TUBGCP5: variants seen among roughly 807,000 people sequenced by gnomAD.
TUBGCP5 encodes the protein tubulin gamma complex component 5.
Under a neutral mutation model 134.7 loss-of-function variants are expected in TUBGCP5, and 98 were observed. The observed-to-expected ratio is 0.73, with a 90% confidence interval of 0.62 to 0.86. The LOEUF is 0.86. TUBGCP5 is among the 40% of genes least tolerant of loss of function. TUBGCP5 has a pLI of 0.00. For missense variants in TUBGCP5, 1,150 were observed against 1,244.8 expected, an observed-to-expected ratio of 0.92 and a Z score of 1.15; for synonymous variants, 456 against 431.4, an observed-to-expected ratio of 1.06 and a Z score of -0.71.
At chr15:22,996,396 G>C (rs1334502920), downstream of TUBGCP5, among the ~76,000 whole-genome samples, 2 of 152,074 alleles carry the variant, frequency 1.3e-5, no homozygotes. Context: ...TGTAATCCCA[G>C]CACTTTGGGA....
At position 22,993,530 on chromosome 15, in the gene TUBGCP5, T is replaced by TTTC. The variant is rs1244011291; in HGVS notation, c.*61+3314_*61+3315insGAA. 2.1e-3 allele frequency among the ~76,000 whole-genome samples: 179 copies of TTTC among 83,736 alleles called. 11 individuals are homozygous for TTTC. Among genetic ancestry groups the TTTC allele is most frequent in the African/African-American group, 9.7e-3 (167 of 17,268 alleles). 54.9% of individuals were successfully genotyped at this position (83,736 alleles called of 152,430 possible). A position where few individuals can be genotyped will look rare whatever the true frequency, so the allele number is the denominator to read the frequency against. On this transcript the variant is annotated intron_variant and NMD_transcript_variant, in intron 23 of 23. Transcript: ENST00000614508. ...CTCCCACCTCAGCCCCCGAAGTTTT[T>TTTC]TTTTTTTTTTTTTTTTTTTTTTTTT...
intron 9 of TUBGCP5, chr15:23,024,497 A>G (rs1182323924): frequency 4.6e-6 from 2 of 432,916 alleles, no homozygotes; most frequent in African/African-American, 4.1e-5. Flanking sequence ...AAAAAGCAGA[A>G]AATGCAAATT....
intron 1 of TUBGCP5, among the ~76,000 whole-genome samples, chr15:23,037,842 G>C (rs888982814): frequency 6.6e-6 from 1 of 152,200 alleles, no homozygotes; most frequent in Non-Finnish European, 1.5e-5. Context: ...CTTGCTCAGT[G>C]CAAGCTCCGC....
chr15:22,987,962 AAGACAC>A (rs2063728996), intron 23 of TUBGCP5, among the ~76,000 whole-genome samples: 1 of 150,342 alleles, frequency 6.7e-6, no homozygotes, highest in Non-Finnish European at 1.5e-5. Flanking sequence ...CTGCCATGTG[AAGACAC>A]AGCCAGACAA....
chr15:23,035,645 A>G (rs1305419707), intron 3 of TUBGCP5, among the ~76,000 whole-genome samples: 1 of 152,162 alleles, frequency 6.6e-6, no homozygotes, highest in Non-Finnish European at 1.5e-5. Flanking sequence ...ACCTCCTGCC[A>G]TGGAGCCCTG....
At chr15:23,035,064 A>T (rs538396538) in intron 3 of TUBGCP5, among the ~76,000 whole-genome samples, 1 of 152,126 alleles carries the variant, frequency 6.6e-6, no homozygotes, top group Non-Finnish European at 1.5e-5. Context: ...ATGGTGGCTC[A>T]TGCCTGTAAT....
chr15:22,993,871 C>T (rs1006198498), intron 23 of TUBGCP5, among the ~76,000 whole-genome samples: 1 of 150,728 alleles, frequency 6.6e-6, no homozygotes, highest in African/African-American at 2.4e-5. Flanking sequence ...TGTAGAGATG[C>T]GGTTTCACCA....
intron 11 of TUBGCP5, among the ~76,000 whole-genome samples, chr15:23,020,545 G>A (rs1394495949): frequency 4.7e-5 from 6 of 128,040 alleles, no homozygotes; most frequent in African/African-American, 1.5e-4. Flanking sequence ...AAGATCGTGC[G>A]ACTGCACTCC....
chr15:23,038,290 T>G (rs1030908092), intron 1 of TUBGCP5, among the ~76,000 whole-genome samples: 1 of 151,916 alleles, frequency 6.6e-6, no homozygotes, highest in Non-Finnish European at 1.5e-5. Flanking sequence ...GGAACACCAC[T>G]TTACCTATTA....
chr15:23,010,202 C>G (rs547082981), intron 14 of TUBGCP5, 69 bp from the exon 15 acceptor site: 1 of 1,482,078 alleles, frequency 6.7e-7, no homozygotes, highest in Admixed American at 2.1e-5. Context: ...AATCAAAACC[C>G]TGAAGTTCCA....
chr15:23,005,966 C>T (rs941281391), intron 18 of TUBGCP5, 86 bp downstream of exon 18: 40 of 1,386,860 alleles, frequency 2.9e-5, no homozygotes, highest in African/African-American at 8.9e-5. Context: ...TCCAGATCCC[C>T]GTATGCTTCC....
chr15:23,007,106 CTA>C (rs1487750744), intron 16 of TUBGCP5, among the ~76,000 whole-genome samples: 2 of 152,122 alleles, frequency 1.3e-5, no homozygotes, highest in African/African-American at 4.8e-5. Context: ...GACACAGGCA[CTA>C]GTCAGAATTT....
chr15:23,003,121 C>T lies in TUBGCP5; in HGVS notation c.2871G>A (p.Val957=), dbSNP rs1179419239. 5 of 1,614,192 alleles carry T rather than the reference C, an allele frequency of 3.1e-6. No homozygotes were observed. In the East Asian group the frequency reaches 6.7e-5, roughly 22 times the overall value. The change falls in exon 21 of 23, where the codon GTG becomes GTA. Residue 957 remains valine (V), a synonymous_variant. Transcript: ENST00000615383. Reference sequence around the variant, plus strand: ...CTGCAAACATGAGAGCCAAGTTCAACACCTTCATGATAGCTTCTTTCACAA... The same window carrying T: ...CTGCAAACATGAGAGCCAAGTTCAATACCTTCATGATAGCTTCTTTCACAA... The part of the protein sequence containing the change: ...VSFVKEAIMK[V]LNLALMFADG...
chr15:23,027,719 C>T lies in TUBGCP5; in HGVS notation c.623-413G>A, dbSNP rs1039807878. On this transcript the variant is annotated intron_variant, in intron 6 of 22. Coordinates refer to ENST00000615383, the MANE Select transcript of TUBGCP5 (RefSeq NM_052903.6). ...CTGAGATCATGCCACTACGCTCCAG[C>T]CTGGGTGACACAGTAAGACCCTATC... Among the ~76,000 whole-genome samples the T allele has an allele frequency of 4.0e-5, 6 of 151,838 alleles. No individual in the cohort carries two copies. The East Asian group carries it at 1.2e-3, about 29-fold the overall frequency.
chr15:23,037,068 T>C, intron 2 of TUBGCP5, 31 bp downstream of exon 2: 1 of 1,605,426 alleles, frequency 6.2e-7, no homozygotes, highest in Admixed American at 1.7e-5. Flanking sequence ...TACATATATT[T>C]CTGGATGCGT....
chr15:23,038,842 A>C (rs1341279026), intron 1 of TUBGCP5, among the ~76,000 whole-genome samples: 1 of 146,082 alleles, frequency 6.8e-6, no homozygotes, highest in Non-Finnish European at 1.5e-5. Flanking sequence ...GTATTAGGTG[A>C]CTCAGCGTGC....
At chr15:23,029,369 G>GC (rs755902493) in intron 6 of TUBGCP5, among the ~76,000 whole-genome samples, 25 of 152,240 alleles carry the variant, frequency 1.6e-4, no homozygotes, top group Admixed American at 2.6e-4. Flanking sequence ...TTACAGGCAT[G>GC]CGCCACTATG....
At chr15:23,021,850 T>C in intron 11 of TUBGCP5, 109 bp downstream of exon 11, 2 of 1,197,158 alleles carry the variant, frequency 1.7e-6, no homozygotes, top group Non-Finnish European at 2.4e-6. Flanking sequence ...AACTCTGAAC[T>C]GTCTGACGAG....
intron 8 of TUBGCP5, 55 bp from the exon 9 acceptor site, chr15:23,024,885 G>T: frequency 9.2e-7 from 1 of 1,081,478 alleles, no homozygotes; most frequent in South Asian, 1.4e-5. Context: ...AAATATTCAT[G>T]ACAGTATGCC....
Sources: gnomAD v4.1 joint callset for allele counts (sites outside exome capture counted in the v4.1 genomes callset) on GRCh38, gnomAD v4.1.1 for gene constraint, MANE v1.5 for transcripts, NCBI Gene and HGNC (gene_info 2026-07-23, HGNC 2026-07-21) for gene names.